CCSER1: variants seen among roughly 807,000 people sequenced by gnomAD.
The protein encoded by CCSER1 is serine-rich coiled-coil domain-containing protein 1.
A neutral mutation model predicts 82.0 loss-of-function variants in CCSER1; 41 were observed. That is an observed-to-expected ratio of 0.50 (90% confidence interval 0.39 to 0.65). The LOEUF (loss-of-function observed/expected upper bound fraction) is 0.65. Ranked by LOEUF, CCSER1 falls within the 30% of genes least tolerant of loss-of-function variation. CCSER1 has a pLI of 0.00. For missense variants in CCSER1, 1,119 were observed against 1,064.2 expected (o/e 1.05, Z -0.72); for synonymous variants, 414 against 383.9 (o/e 1.08, Z -0.92).
intron 9 of CCSER1, among the ~76,000 whole-genome samples, chr4:91,001,056 A>C (rs2150476629): frequency 6.6e-6 from 1 of 152,166 alleles, no homozygotes; most frequent in South Asian, 2.1e-4. Context: ...TAACATAGAT[A>C]GCTCTTATTA....
chr4:90,635,209 AT>A (rs1429056560), intron 6 of CCSER1, among the ~76,000 whole-genome samples: 2 of 151,754 alleles, frequency 1.3e-5, no homozygotes, highest in Non-Finnish European at 3.0e-5. Context: ...TATTATCAAT[AT>A]TTTTAACCCA....
At chr4:91,546,602 A>T (rs72884663) in intron 10 of CCSER1, among the ~76,000 whole-genome samples, 6,303 of 151,954 alleles carry the variant, frequency 0.041, 275 homozygotes, top group African/African-American at 0.11. Flanking sequence ...TTCTATTTCT[A>T]ATTTTGGTAA....
chr4:90,709,172 G>C (rs1220165578), intron 6 of CCSER1, among the ~76,000 whole-genome samples: 1 of 152,022 alleles, frequency 6.6e-6, no homozygotes, highest in Non-Finnish European at 1.5e-5. Flanking sequence ...TTTGATGTAA[G>C]AAAAATCCTG....
intron 10 of CCSER1, among the ~76,000 whole-genome samples, chr4:91,597,892 T>C (rs1007891941): frequency 6.6e-6 from 1 of 152,192 alleles, no homozygotes; most frequent in African/African-American, 2.4e-5. Flanking sequence ...CTTCACAGCA[T>C]GATTCAATGA....
At chr4:90,372,046 A>G (rs538065054) in intron 3 of CCSER1, among the ~76,000 whole-genome samples, 4 of 152,328 alleles carry the variant, frequency 2.6e-5, no homozygotes, top group African/African-American at 7.2e-5. Flanking sequence ...TTGTTCAACT[A>G]CTGATCAAAA....
intron 5 of CCSER1, among the ~76,000 whole-genome samples, chr4:90,624,830 C>T (rs946023657): frequency 3.9e-5 from 6 of 152,088 alleles, no homozygotes; most frequent in South Asian, 4.1e-4. Flanking sequence ...TCATAAGCAA[C>T]GAGGCATGTG....
intron 10 of CCSER1, among the ~76,000 whole-genome samples, chr4:91,543,938 C>G (rs932792817): frequency 1.3e-5 from 2 of 152,166 alleles, no homozygotes; most frequent in African/African-American, 4.8e-5. Flanking sequence ...TCAGGTATGC[C>G]AGTCAGACCT....
At chr4:91,166,759 A>T (rs1253492854) in intron 10 of CCSER1, among the ~76,000 whole-genome samples, 1 of 152,154 alleles carries the variant, frequency 6.6e-6, no homozygotes, top group African/African-American at 2.4e-5. Flanking sequence ...GCTCCAAGTA[A>T]AGAGAACTTT....
chr4:91,416,226 T>G (rs955741160), intron 10 of CCSER1, among the ~76,000 whole-genome samples: 9 of 152,078 alleles, frequency 5.9e-5, no homozygotes, highest in Non-Finnish European at 1.5e-5. Context: ...GGAAAAACAT[T>G]CCATGCTCAT....
intron 9 of CCSER1, among the ~76,000 whole-genome samples, chr4:91,069,183 A>C (rs1721172132): frequency 6.6e-6 from 1 of 152,112 alleles, no homozygotes; most frequent in South Asian, 2.1e-4. Context: ...AATAAAAAAT[A>C]AAAATTTTGA....
At chr4:90,416,044 G>A (rs916984837) in intron 4 of CCSER1, among the ~76,000 whole-genome samples, 4 of 152,100 alleles carry the variant, frequency 2.6e-5, no homozygotes, top group African/African-American at 7.2e-5. Flanking sequence ...ATGATCAAAA[G>A]ATACAAACTT....
rs551241053 is a variant in CCSER1, at chr4:90,731,736, G to T, written c.2010+7745G>T. ...ATTATTTATACTATGTATATTTAAA[G>T]CAATTATTTTTGATTGATGTAATAC... On this transcript the variant is annotated intron_variant, in intron 7 of 10. Coordinates refer to ENST00000509176, the MANE Select transcript of CCSER1 (RefSeq NM_001145065.2). Among the ~76,000 whole-genome samples the T allele has an allele frequency of 1.4e-3, 217 of 152,220 alleles. 2 individuals are homozygous for T. The highest frequency in any genetic ancestry group is 4.7e-3 in the African/African-American group (197 of 41,542).
chr4:90,654,611 C>T (rs1461254317), intron 6 of CCSER1, among the ~76,000 whole-genome samples: 1 of 152,084 alleles, frequency 6.6e-6, no homozygotes, highest in Non-Finnish European at 1.5e-5. Context: ...AAGCTAGCTT[C>T]CATGACAAAG....
At chr4:90,826,552 A>G (rs1232324585) in intron 8 of CCSER1, among the ~76,000 whole-genome samples, 1 of 152,130 alleles carries the variant, frequency 6.6e-6, no homozygotes, top group Admixed American at 6.5e-5. Context: ...TAGGTTTATT[A>G]TTGCCTTTAC....
chr4:90,969,821 T>G (rs1734918831), intron 9 of CCSER1, among the ~76,000 whole-genome samples: 1 of 151,920 alleles, frequency 6.6e-6, no homozygotes, highest in South Asian at 2.1e-4. Context: ...CTTGTAATTC[T>G]AATCTAAAGG....
At chr4:90,262,349 C>T (rs576816419) in intron 1 of CCSER1, among the ~76,000 whole-genome samples, 13 of 152,044 alleles carry the variant, frequency 8.6e-5, no homozygotes, top group African/African-American at 2.4e-4. Flanking sequence ...TGTATGAGTT[C>T]GTTTGTTACA....
At chr4:91,451,744 G>C (rs1755880732) in intron 10 of CCSER1, among the ~76,000 whole-genome samples, 1 of 151,672 alleles carries the variant, frequency 6.6e-6, no homozygotes, top group Non-Finnish European at 1.5e-5. Flanking sequence ...AAAATACTTG[G>C]GTGGAATTAA....
chr4:90,319,727 A>G (rs1021678901), intron 3 of CCSER1, among the ~76,000 whole-genome samples: 2 of 152,240 alleles, frequency 1.3e-5, no homozygotes, highest in African/African-American at 4.8e-5. Context: ...GAGACTTTCC[A>G]GTATGTAAAA....
intron 10 of CCSER1, among the ~76,000 whole-genome samples, chr4:91,533,572 G>T (rs187393756): frequency 1.3e-5 from 2 of 152,110 alleles, no homozygotes; most frequent in African/African-American, 4.8e-5. Flanking sequence ...TTTGCAGAAG[G>T]CTGGCTATGA....
Sources: allele counts gnomAD v4.1 joint callset (sites outside exome capture counted in the v4.1 genomes callset), GRCh38; gene constraint gnomAD v4.1.1; transcripts MANE v1.5; gene names NCBI Gene and HGNC (gene_info 2026-07-23, HGNC 2026-07-21).